Variants in GRID2IP observed in about 807,000 individuals in gnomAD.
The protein encoded by GRID2IP is Grid2 interacting protein, also known as delphilin.
GRID2IP carries 78 observed loss-of-function variants against 114.3 expected under a neutral mutation model. That is an observed-to-expected ratio of 0.68 (90% CI 0.57 to 0.82). The LOEUF (loss-of-function observed/expected upper bound fraction) is 0.82. Ranked by LOEUF, GRID2IP falls within the 40% of genes least tolerant of loss-of-function variation. GRID2IP has a pLI of 0.00. For missense variants in GRID2IP, 1,727 were observed against 1,678.5 expected (o/e 1.03, Z -0.51); for synonymous variants, 809 against 724.0 (o/e 1.12, Z -1.89).
chr7:6,540,516 T>G (rs1245664337), intron 1 of GRID2IP, among the ~76,000 whole-genome samples: 5 of 151,518 alleles, frequency 3.3e-5, no homozygotes, highest in African/African-American at 9.7e-5. Flanking sequence ...TTTAATTTAT[T>G]GTTATTTATT....
At position 6,503,655 on chromosome 7, in the gene GRID2IP, CG is replaced by C; in HGVS notation, c.2742del (p.Ala915ArgfsTer7). On this transcript the variant is annotated frameshift_variant, in exon 16 of 22. Transcript: ENST00000457091. LOFTEE classifies it high-confidence loss of function. Reference sequence around the variant, plus strand: ...CTCATCAGCACCTGGCGCAGCTCCGCGGGGCTCAGCTTCAGGTGTGCCAAGA... The same window carrying C: ...CTCATCAGCACCTGGCGCAGCTCCGCGGGCTCAGCTTCAGGTGTGCCAAGA... ...SILLAHLKLS[P>X]AELRQVLMSM... 1 of 1,485,052 alleles carries C rather than the reference CG, an allele frequency of 6.7e-7. No individual in the cohort carries two copies. Among genetic ancestry groups the C allele is most frequent in the Non-Finnish European group, 8.9e-7 (1 of 1,121,204 alleles). 92.0% of individuals were successfully genotyped at this position (1,485,052 alleles called of 1,614,324 possible).
At position 6,526,090 on chromosome 7, in the gene GRID2IP, A is replaced by G; in HGVS notation, c.919+134T>C. ...ACACTCTGGGGACACGGTCTACACAAGGATGGTACCTGACGTGGAGGGGTT... is the reference window on the plus strand; with the variant it reads ...ACACTCTGGGGACACGGTCTACACAGGGATGGTACCTGACGTGGAGGGGTT... On this transcript the variant is annotated intron_variant, in intron 4 of 21. Coordinates refer to ENST00000457091, the MANE Select transcript of GRID2IP (RefSeq NM_001145118.2). This position sits in a 1 kb window ranked among gnomAD's most constrained non-coding sequence, Gnocchi z 7.6. 1 of 688,276 alleles carries G rather than the reference A, an allele frequency of 1.5e-6. No individual in the cohort carries two copies. The highest frequency in any genetic ancestry group is 2.6e-6 in the Non-Finnish European group (1 of 386,044). The allele number at this position is 688,276 out of a possible 1,614,324, so 42.6% of individuals were successfully genotyped here.
At chr7:6,499,517 G>A (rs534840073) in intron 20 of GRID2IP, among the ~76,000 whole-genome samples, 18 of 152,196 alleles carry the variant, frequency 1.2e-4, no homozygotes, top group Middle Eastern at 3.4e-3. Context: ...TGCAATCTCC[G>A]CCTCCTGGGT....
chr7:6,526,824 A>G lies in GRID2IP; in HGVS notation c.585-55T>C. 2 of 1,422,712 alleles carry G rather than the reference A, an allele frequency of 1.4e-6. No individual in the cohort carries two copies. Among genetic ancestry groups the G allele is most frequent in the Non-Finnish European group, 1.8e-6 (2 of 1,088,884 alleles). 88.1% of individuals were successfully genotyped at this position (1,422,712 alleles called of 1,614,324 possible). The stretch of plus-strand genomic sequence containing the variant: ...CGTTCCCGGACCCCGGATCTCTGCA[A>G]ACCGCGGCCCGAAGGCGCGTCCTCG... On this transcript the variant is annotated intron_variant, in intron 2 of 21. Coordinates refer to ENST00000457091, the MANE Select transcript of GRID2IP (RefSeq NM_001145118.2). This position sits in a 1 kb window ranked among gnomAD's most constrained non-coding sequence, Gnocchi z 7.6.
rs1786641830 is a variant in GRID2IP at position 6,507,938 on chromosome 7, G to A, written c.2544+47C>T. ...GTTTTCCTTCAGTGCTGCTGCCCAA[G>A]CCATCCTCCCCCAGTACAGAGCGCT... On this transcript the variant is annotated intron_variant, in intron 13 of 21. Transcript: ENST00000457091. The surrounding 1 kb of genome is among the most constrained non-coding windows in gnomAD (Gnocchi z 5.3). 1 of 1,542,260 alleles carries A rather than the reference G, an allele frequency of 6.5e-7. No individual in the cohort carries two copies. Among genetic ancestry groups the A allele is most frequent in the Non-Finnish European group, 8.7e-7 (1 of 1,143,630 alleles).
Position 6,526,633 on chromosome 7 carries a change from G to T in GRID2IP, c.721C>A (p.Arg241Ser), listed in dbSNP as rs1227580000. The T allele has an allele frequency of 1.3e-5, 17 of 1,344,030 alleles. 1 individual carries two copies. In the South Asian group the frequency reaches 2.7e-4, roughly 21 times the overall value. 83.3% of individuals were successfully genotyped at this position (1,344,030 alleles called of 1,614,324 possible). Residue 241 changes from arginine to serine, a missense_variant, in exon 3 of 22, where the codon CGC (arginine) becomes AGC (serine). Arg to Ser is a moderately radical substitution (Grantham distance 110). Transcript: ENST00000457091. This position sits in a 1 kb window ranked among gnomAD's most constrained non-coding sequence, Gnocchi z 7.6. ...CTGGCGCGCGTGGACACCAGGAGGC[G>T]CTCCGGCCGCTCCTCGCTGCGGCTC... Reference protein sequence around the residue: ...RRSRSEERPERLLVSTRASAP... With the variant: ...RRSRSEERPESLLVSTRASAP...
intron 14 of GRID2IP, 66 bp downstream of exon 14, chr7:6,505,754 C>A: frequency 2.9e-6 from 3 of 1,051,618 alleles, no homozygotes; most frequent in Middle Eastern, 2.0e-4. Context: ...CTGGGAGATG[C>A]TAAGCCTGGG....
chr7:6,539,898 C>A, intron 1 of GRID2IP, 26 bp from the exon 2 acceptor site: 1 of 1,543,376 alleles, frequency 6.5e-7, no homozygotes, highest in African/African-American at 1.4e-5. Context: ...CTGTGAATGA[C>A]CAAAAGGGAT....
At chr7:6,547,429 T>A (rs1779903840) in intron 1 of GRID2IP, among the ~76,000 whole-genome samples, 1 of 151,648 alleles carries the variant, frequency 6.6e-6, no homozygotes, top group African/African-American at 2.4e-5. Context: ...ACACCTGTGG[T>A]CCCAGCTACT....
Position 6,496,819 on chromosome 7 carries a change from G to C in GRID2IP, c.*955C>G, listed in dbSNP as rs1786268136. 1.3e-5 allele frequency among the ~76,000 whole-genome samples: 2 copies of C among 150,396 alleles called. No individual in the cohort carries two copies. Among genetic ancestry groups the C allele is most frequent in the South Asian group, 2.1e-4 (1 of 4,744 alleles). On this transcript the variant is annotated 3_prime_UTR_variant, in exon 22 of 22. Coordinates refer to ENST00000457091, the MANE Select transcript of GRID2IP (RefSeq NM_001145118.2). ...CTGTCAATCAGAGAATTTTAAAAAA[G>C]GTGAAACAGTTCACACACCCTCCCT...
rs533345900 is a variant in GRID2IP, at chr7:6,535,501, A to C, written c.584+4217T>G. On this transcript the variant is annotated intron_variant, in intron 2 of 21. Coordinates refer to ENST00000457091, the MANE Select transcript of GRID2IP (RefSeq NM_001145118.2). The stretch of plus-strand genomic sequence containing the variant: ...TTTGGGTGGGTCCTGGCCTCCTTGC[A>C]GATCTCTGACACACACACACGTGTA... Among the ~76,000 whole-genome samples the C allele has an allele frequency of 2.0e-5, 3 of 152,182 alleles. No homozygotes were observed. In the East Asian group the frequency reaches 5.8e-4, roughly 29 times the overall value.
intron 20 of GRID2IP, among the ~76,000 whole-genome samples, chr7:6,500,966 G>A (rs2115351057): frequency 6.6e-6 from 1 of 152,330 alleles, no homozygotes; most frequent in East Asian, 1.9e-4. Context: ...GGGCTCCACT[G>A]CCCCAGAGGA....
At position 6,520,583 on chromosome 7, in the gene GRID2IP, C is replaced by G. The variant is rs1295799286; in HGVS notation, c.1263G>C (p.Gln421His). 1.3e-6 allele frequency: 2 copies of G among 1,550,796 alleles called. No individual in the cohort carries two copies. The highest frequency in any genetic ancestry group is 4.9e-5 in the East Asian group (2 of 40,898). The change falls in exon 7 of 22, where the codon CAG becomes CAC. Residue 421 changes from glutamine (Q) to histidine (H), a missense_variant. Physicochemically the swap from Gln to His is conservative, Grantham distance 24. Coordinates refer to ENST00000457091, the MANE Select transcript of GRID2IP (RefSeq NM_001145118.2). The surrounding 1 kb of genome is among the most constrained non-coding windows in gnomAD (Gnocchi z 4.6). ...CGCGGCTTTGGCCCGGCCACCTGTG[C>G]TGGAAGAAGCTCTCGAGGGCCCGGC... The part of the protein sequence containing the change: ...GVCRALESFF[Q>H]HRNIDTLIVD...
chr7:6,531,425 G>C (rs1779620737), intron 2 of GRID2IP, among the ~76,000 whole-genome samples: 2 of 152,198 alleles, frequency 1.3e-5, no homozygotes, highest in South Asian at 4.1e-4. Context: ...GTCCTCTCCA[G>C]CTACTGCGCC....
chr7:6,502,093 C>T lies in GRID2IP; in HGVS notation c.3176G>A (p.Gly1059Glu). The change falls in exon 19 of 22, where the codon GGG becomes GAG. Residue 1059 changes from glycine to glutamate, a missense_variant. By Grantham distance (98) the Gly-to-Glu change is moderately conservative. Transcript: ENST00000457091. ...TELNSTKTVD[G>E]KSTFLHILAK... ...AAGGATGTGCAGGAAGGTGGACTTC[C>T]CATCCACTGTCTTGGTGGAGTTCAG... The T allele has an allele frequency of 1.2e-5, 18 of 1,551,386 alleles. No homozygotes were observed. Among genetic ancestry groups the T allele is most frequent in the Non-Finnish European group, 1.5e-5 (17 of 1,146,854 alleles).
At chr7:6,547,683 T>C (rs969987424) in intron 1 of GRID2IP, among the ~76,000 whole-genome samples, 34 of 152,240 alleles carry the variant, frequency 2.2e-4, no homozygotes, top group African/African-American at 7.9e-4. Flanking sequence ...GTCCTGTGTG[T>C]ATGCGAGTGT....
chr7:6,499,025 C>G (rs772553481), intron 20 of GRID2IP, among the ~76,000 whole-genome samples: 2 of 152,204 alleles, frequency 1.3e-5, no homozygotes, highest in Non-Finnish European at 2.9e-5. Flanking sequence ...GTCAGTCTTG[C>G]AAAAAGATTC....
At position 6,501,864 on chromosome 7, in the gene GRID2IP, G is replaced by A. The variant is rs1216125915; in HGVS notation, c.3316C>T (p.Leu1106Phe). The A allele has an allele frequency of 1.3e-6, 2 of 1,551,584 alleles. No homozygotes were observed. Among genetic ancestry groups the A allele is most frequent in the South Asian group, 1.2e-5 (1 of 84,064 alleles). The change falls in exon 20 of 22, where the codon CTC becomes TTC. Residue 1106 changes from leucine (L) to phenylalanine (F), a missense_variant. Coordinates refer to ENST00000457091, the MANE Select transcript of GRID2IP (RefSeq NM_001145118.2). ...QRALTSDLAD[L>F]HGTISEIQDA... ...TGTATCTCGCTGATAGTGCCATGGA[G>A]GTCAGCCAGGTCACTGGTCAGGGCC...
At position 6,509,278 on chromosome 7, in the gene GRID2IP, C is replaced by G; in HGVS notation, c.1807G>C (p.Glu603Gln). 6.5e-7 allele frequency: 1 copy of G among 1,527,158 alleles called. No homozygotes were observed. 94.6% of individuals were successfully genotyped at this position (1,527,158 alleles called of 1,614,324 possible). A position where few individuals can be genotyped will look rare whatever the true frequency, so the allele number is the denominator to read the frequency against. The change falls in exon 12 of 22, where the codon GAG becomes CAG. Residue 603 changes from glutamate (E) to glutamine (Q), a missense_variant. Physicochemically the swap from Glu to Gln is conservative, Grantham distance 29. Transcript: ENST00000457091. The surrounding 1 kb of genome is among the most constrained non-coding windows in gnomAD (Gnocchi z 4.9). ...RTLSGVSWPS[E>Q]RLLPSPCYHP... is the part of the protein sequence containing the mutation. The stretch of plus-strand genomic sequence containing the variant: ...TAGCAGGGGGAGGGCAAGAGTCGCT[C>G]GCTGGGCCATGAGACGCCGGACAGG...
Sources: gnomAD v4.1 joint callset for allele counts (sites outside exome capture counted in the v4.1 genomes callset) on GRCh38, gnomAD v4.1.1 for gene constraint, Gnocchi (gnomAD v3.1) non-coding constraint, MANE v1.5 for transcripts, NCBI Gene and HGNC (gene_info 2026-07-23, HGNC 2026-07-21) for gene names.